Variants in NXNL2 observed in about 807,000 individuals in gnomAD.
NXNL2 encodes nucleoredoxin like 2.
NXNL2 carries 7 observed loss-of-function variants against 11.1 expected under a neutral mutation model. The ratio of observed to expected loss-of-function variants is 0.63; its 90% CI spans 0.36 to 1.18. The LOEUF (loss-of-function observed/expected upper bound fraction) is 1.18, where lower values mean the gene tolerates loss of function less well. NXNL2 is among the 50% of genes most tolerant of loss of function. The pLI is 0.02. For synonymous variants in NXNL2, 109 were observed against 101.8 expected, an observed-to-expected ratio of 1.07 and a Z score of -0.42; for missense variants, 233 against 217.7, an observed-to-expected ratio of 1.07 and a Z score of -0.44.
rs1191000550 is a variant in NXNL2 at position 88,535,499 on chromosome 9, C to T, written c.65C>T (p.Ala22Val). ...AAGGGCGCGACGGTGGAGGCCGAGG[C>T]GGCGCTGCAGAACAAGGTGGTGGCA... is the stretch of plus-strand genomic sequence containing the variant. Reference protein sequence around the residue: ...TCKGATVEAEAALQNKVVALY... With the variant: ...TCKGATVEAEVALQNKVVALY... Residue 22 changes from alanine to valine, a missense_variant, in exon 1 of 2, where the codon GCG (alanine) becomes GTG (valine). Physicochemically the swap from Ala to Val is moderately conservative, Grantham distance 64. Coordinates refer to ENST00000375854, the MANE Select transcript of NXNL2 (RefSeq NM_001161625.2). The T allele has an allele frequency of 6.2e-7, 1 of 1,609,704 alleles. No homozygotes were observed. The highest frequency in any genetic ancestry group is 1.7e-5 in the Admixed American group (1 of 59,866).
chr9:88,548,682 C>CAA (rs34096783), downstream of NXNL2, among the ~76,000 whole-genome samples: 19,949 of 78,490 alleles, frequency 0.25, 2,922 homozygotes, highest in East Asian at 0.77. Flanking sequence ...GACTCTGTCT[C>CAA]AAAAAAAAAA....
rs1437607427 is a variant in NXNL2 at position 88,535,431 on chromosome 9, C to T, written c.-4C>T. ...CGGGTCTCAGGTGGCTGCGTGTCTG[C>T]GCCATGGTTGACATTCTGGGCGAGC... On this transcript the variant is annotated 5_prime_UTR_variant, in exon 1 of 2. Coordinates refer to ENST00000375854, the MANE Select transcript of NXNL2 (RefSeq NM_001161625.2). 1.3e-6 allele frequency: 2 copies of T among 1,591,546 alleles called. No individual in the cohort carries two copies. Among genetic ancestry groups the T allele is most frequent in the East Asian group, 2.2e-5 (1 of 44,474 alleles).
At chr9:88,552,228 T>A (rs1033986181) in intron 1 of NXNL2, among the ~76,000 whole-genome samples, 18 of 152,164 alleles carry the variant, frequency 1.2e-4, no homozygotes, top group Admixed American at 6.5e-5. Context: ...CCAAACATGT[T>A]TTTGTTTTGT....
At chr9:88,554,418 T>A (rs1392293578) in intron 1 of NXNL2, among the ~76,000 whole-genome samples, 6 of 152,172 alleles carry the variant, frequency 3.9e-5, no homozygotes, top group African/African-American at 1.4e-4. Flanking sequence ...TTGGCCAGGC[T>A]GGTCTCAAAC....
At chr9:88,552,471 A>ATTTTTTTTTTT (rs1564070714) in intron 1 of NXNL2, among the ~76,000 whole-genome samples, 1 of 129,948 alleles carries the variant, frequency 7.7e-6, no homozygotes, top group Non-Finnish European at 1.5e-5. Context: ...TTAAACATGC[A>ATTTTTTTTTTT]TGTTTTTTTT....
At chr9:88,563,671 C>A (rs1405853800) in intron 1 of NXNL2, among the ~76,000 whole-genome samples, 1 of 152,096 alleles carries the variant, frequency 6.6e-6, no homozygotes, top group South Asian at 2.1e-4. Flanking sequence ...CAGTCCTCTC[C>A]CAACCACCCT....
chr9:88,541,997 G>A (rs1413735569), intron 1 of NXNL2, among the ~76,000 whole-genome samples: 3 of 151,998 alleles, frequency 2.0e-5, no homozygotes, highest in Non-Finnish European at 2.9e-5. Context: ...TTGGGAGGCC[G>A]AGGTAGGCGG....
intron 2 of NXNL2, among the ~76,000 whole-genome samples, chr9:88,571,437 C>T (rs969697454): frequency 2.4e-4 from 37 of 152,162 alleles, no homozygotes; most frequent in Non-Finnish European, 4.4e-5. Flanking sequence ...CTCCACTGTG[C>T]AGGAAGAATG....
Position 88,544,540 on chromosome 9 carries a change from C to A in NXNL2, c.464C>A (p.Ser155Tyr). ...VEAADIFQNF[S>Y]V is the part of the protein sequence containing the mutation. ...GCGGCCGATATCTTCCAGAATTTCT[C>A]CGTTTGAAGTGGGAGGGACCTCAGA... The change falls in exon 2 of 2, where the codon TCC becomes TAC. Residue 155 changes from serine to tyrosine, a missense_variant. By Grantham distance (144) the Ser-to-Tyr change is moderately radical. Coordinates refer to ENST00000375854, the MANE Select transcript of NXNL2 (RefSeq NM_001161625.2). The A allele has an allele frequency of 6.5e-7, 1 of 1,532,892 alleles. No homozygotes were observed. Among genetic ancestry groups the A allele is most frequent in the Non-Finnish European group, 8.8e-7 (1 of 1,137,474 alleles). The allele number at this position is 1,532,892 out of a possible 1,614,324, so 95.0% of individuals were successfully genotyped here.
chr9:88,567,302 C>T (rs1278064714), intron 1 of NXNL2, among the ~76,000 whole-genome samples: 2 of 152,126 alleles, frequency 1.3e-5, no homozygotes, highest in East Asian at 3.9e-4. Context: ...CCATCCCCAG[C>T]TAATTTTTGT....
At chr9:88,571,311 C>A in intron 2 of NXNL2, 1 of 229,898 alleles carries the variant, frequency 4.3e-6, no homozygotes, top group Admixed American at 5.5e-5. Context: ...TTCAGGTGAT[C>A]CACTTGCCTC....
chr9:88,536,163 G>A lies in NXNL2; in HGVS notation c.302+427G>A, dbSNP rs369963011. Among the ~76,000 whole-genome samples, 5 of 152,308 alleles carry A rather than the reference G, an allele frequency of 3.3e-5. No homozygotes were observed. The South Asian group carries it at 8.3e-4, about 25-fold the overall frequency. The stretch of plus-strand genomic sequence containing the variant: ...CCCAGTTAGTGGGCAGGAAGCACAG[G>A]GACATGACCCGGTGTCTGGATGCGG... On this transcript the variant is annotated intron_variant, in intron 1 of 1. Transcript: ENST00000375854.
chr9:88,536,610 A>T (rs73652584), intron 1 of NXNL2, among the ~76,000 whole-genome samples: 3,578 of 152,232 alleles, frequency 0.024, 133 homozygotes, highest in African/African-American at 0.082. Context: ...ATTTCTGGAG[A>T]TTATCATTAA....
At chr9:88,538,979 T>C (rs993322866) in intron 1 of NXNL2, among the ~76,000 whole-genome samples, 2 of 151,862 alleles carry the variant, frequency 1.3e-5, no homozygotes, top group African/African-American at 4.8e-5. Context: ...CCAAGGAGGG[T>C]CACAGATGCT....
Position 88,535,189 on chromosome 9 carries a change from C to T in NXNL2, c.-246C>T. 3.8e-6 allele frequency: 2 copies of T among 525,348 alleles called. No individual in the cohort carries two copies. Among genetic ancestry groups the T allele is most frequent in the Admixed American group, 3.9e-5 (1 of 25,748 alleles). The allele number at this position is 525,348 out of a possible 1,614,324, so 32.5% of individuals were successfully genotyped here. On this transcript the variant is annotated 5_prime_UTR_variant, in exon 1 of 2. Coordinates refer to ENST00000375854, the MANE Select transcript of NXNL2 (RefSeq NM_001161625.2). ...CTGGCCCCGCTCCCAGAGGCGGGTG[C>T]CGCGCTGTCGCCCAGGTATCTGGGG...
In NXNL2 at chr9:88,556,443, C is replaced by T. The variant is rs142594401; in HGVS notation, c.303-14644C>T. On this transcript the variant is annotated intron_variant, in intron 1 of 2. Transcript: ENST00000375855. ...ACAGTTTTTGACATGAGAGGGGACCCGAAGTGGGTAACCCATATCTGAAGG... is the reference window on the plus strand; with the variant it reads ...ACAGTTTTTGACATGAGAGGGGACCTGAAGTGGGTAACCCATATCTGAAGG... Among the ~76,000 whole-genome samples, 247 of 152,172 alleles carry T rather than the reference C, an allele frequency of 1.6e-3. 2 individuals are homozygous for T. The highest frequency in any genetic ancestry group is 5.7e-3 in the African/African-American group (236 of 41,522).
intron 1 of NXNL2, among the ~76,000 whole-genome samples, chr9:88,552,473 G>GGT: frequency 7.6e-6 from 1 of 131,570 alleles, no homozygotes; most frequent in African/African-American, 2.8e-5. Flanking sequence ...AAACATGCAT[G>GGT]TTTTTTTTTT....
downstream of NXNL2, among the ~76,000 whole-genome samples, chr9:88,577,996 CCA>C (rs1462352684): frequency 2.0e-5 from 3 of 152,212 alleles, no homozygotes; most frequent in Non-Finnish European, 4.4e-5. Context: ...CACTCTGTGT[CCA>C]GTGTCTTCAC....
At chr9:88,558,910 C>T (rs1830052425) in intron 1 of NXNL2, among the ~76,000 whole-genome samples, 2 of 152,042 alleles carry the variant, frequency 1.3e-5, no homozygotes, top group South Asian at 4.2e-4. Flanking sequence ...GAGATAGTCC[C>T]CTCTGATCCC....
Sources: gnomAD v4.1 joint callset for allele counts (sites outside exome capture counted in the v4.1 genomes callset) on GRCh38, gnomAD v4.1.1 for gene constraint, MANE v1.5 for transcripts, NCBI Gene and HGNC (gene_info 2026-07-23, HGNC 2026-07-21) for gene names.